SPRY3: variants seen among roughly 807,000 people sequenced by gnomAD.
SPRY3 encodes the protein protein sprouty homolog 3.
Under a neutral mutation model 20.2 loss-of-function variants are expected in SPRY3, and 15 were observed. The observed-to-expected ratio is 0.74, with a 90% CI of 0.50 to 1.14. The LOEUF (loss-of-function observed/expected upper bound fraction) is 1.14, where lower values mean the gene tolerates loss of function less well. Among genes scored for constraint, SPRY3 ranks in the 50% most tolerant of loss-of-function variants. The pLI is 0.00. For missense variants in SPRY3, 364 were observed against 363.9 expected (o/e 1.00, Z 0.00); for synonymous variants, 143 against 136.5 (o/e 1.05, Z -0.33).
chrX:155,612,896 A>C (rs2067834846), intron 1 of SPRY3: 1 of 111,223 alleles, frequency 9.0e-6, no homozygotes, highest in South Asian at 3.9e-4. Flanking sequence ...TTTCACCCCC[A>C]AAACTGTCGG....
chrX:155,687,077 G>C (rs1425446607), intron 2 of SPRY3, among the ~76,000 whole-genome samples: 1 of 112,505 alleles, frequency 8.9e-6, no homozygotes, highest in African/African-American at 3.2e-5. Context: ...TTACTTTTTA[G>C]CATTCTCAAA....
chrX:155,660,006 T>G (rs1477531152), intron 2 of SPRY3, among the ~76,000 whole-genome samples: 1 of 112,050 alleles, frequency 8.9e-6, no homozygotes, highest in African/African-American at 3.2e-5. Flanking sequence ...CTTTGTATAA[T>G]TTTTTGGTTT....
intron 2 of SPRY3, among the ~76,000 whole-genome samples, chrX:155,675,726 A>C (rs1312713890): frequency 8.9e-6 from 1 of 111,775 alleles, no homozygotes; most frequent in Non-Finnish European, 1.9e-5. Flanking sequence ...ACTTAGTGTA[A>C]CATTGTGCCA....
chrX:155,667,741 A>T (rs1385509452), intron 2 of SPRY3, among the ~76,000 whole-genome samples: 1 of 111,282 alleles, frequency 9.0e-6, no homozygotes, highest in African/African-American at 3.3e-5. Flanking sequence ...TGTGTTCAGA[A>T]TATATAAAGA....
At chrX:155,731,511 A>G (rs1482719539) in intron 2 of SPRY3, among the ~76,000 whole-genome samples, 2 of 152,104 alleles carry the variant, frequency 1.3e-5, no homozygotes, top group Non-Finnish European at 2.9e-5. Flanking sequence ...TAAAATCTAA[A>G]TTGATTAAAG....
rs766525778 is a variant in SPRY3 at position 155,755,984 on chromosome X, G to A, written c.-281-11978G>A. ...AGAATAAAGTTCATGAAGGTAGGAT[G>A]GTTGGGGGAGACCTTGTAATACAGA... is the stretch of plus-strand genomic sequence containing the variant. On this transcript the variant is annotated intron_variant, in intron 2 of 3. Coordinates refer to ENST00000675360, the Ensembl canonical transcript of SPRY3. Among the ~76,000 whole-genome samples the A allele has an allele frequency of 2.6e-5, 4 of 152,192 alleles. No homozygotes were observed. The South Asian group carries it at 8.3e-4, about 32-fold the overall frequency.
chrX:155,722,350 A>G (rs1785765003), intron 2 of SPRY3, among the ~76,000 whole-genome samples: 1 of 152,100 alleles, frequency 6.6e-6, no homozygotes, highest in African/African-American at 2.4e-5. Context: ...GTGAAACCCC[A>G]TCTCTACTAA....
chrX:155,743,567 A>G (rs868075878), intron 2 of SPRY3, among the ~76,000 whole-genome samples: 2 of 152,122 alleles, frequency 1.3e-5, no homozygotes, highest in Non-Finnish European at 2.9e-5. Context: ...TAAAATATAC[A>G]TATAAAAATG....
At chrX:155,767,884 G>C (rs186816587) in intron 2 of SPRY3, 78 bp from the exon 2 acceptor site, 16 of 154,188 alleles carry the variant, frequency 1.0e-4, no homozygotes, top group African/African-American at 2.6e-4. Flanking sequence ...CTACAGGTTT[G>C]ACTCGCCCCC....
intron 2 of SPRY3, among the ~76,000 whole-genome samples, chrX:155,680,756 C>G: frequency 9.0e-6 from 1 of 111,608 alleles, no homozygotes; most frequent in Non-Finnish European, 1.9e-5. Flanking sequence ...TCTATTGGCA[C>G]CATTTTTTCC....
intron 1 of SPRY3, among the ~76,000 whole-genome samples, chrX:155,633,402 AAG>A (rs2067913372): frequency 1.9e-5 from 2 of 105,955 alleles, no homozygotes; most frequent in African/African-American, 6.9e-5. Flanking sequence ...AAAAAAAAAA[AAG>A]TTCATAGACC....
rs964232033 is a variant in SPRY3, at chrX:155,688,885, G to A, written c.-282+31860G>A. Among the ~76,000 whole-genome samples the A allele has an allele frequency of 2.3e-5, 2 of 85,823 alleles. 1 individual carries two copies. Among genetic ancestry groups the A allele is most frequent in the African/African-American group, 1.1e-4 (2 of 17,560 alleles). The allele number at this position is 85,823 out of a possible 115,157, so 74.5% of individuals were successfully genotyped here. On this transcript the variant is annotated intron_variant, in intron 2 of 3. Coordinates refer to ENST00000675360, the Ensembl canonical transcript of SPRY3. ...TCCTTCTCTGTGTCCATGTGTTCTC[G>A]TTGTTCAGCTACCACTTATAAGTGA...
intron 2 of SPRY3, among the ~76,000 whole-genome samples, chrX:155,726,530 T>A (rs2091098674): frequency 6.6e-6 from 1 of 152,206 alleles, no homozygotes; most frequent in African/African-American, 2.4e-5. Flanking sequence ...ATATTTAGGA[T>A]AGTCAGCTCT....
chrX:155,615,912 C>G (rs868918768), intron 1 of SPRY3, among the ~76,000 whole-genome samples: 2 of 110,687 alleles, frequency 1.8e-5, no homozygotes, highest in Middle Eastern at 4.7e-3. Flanking sequence ...CTGAAACTAA[C>G]AAGCAAAAGA....
chrX:155,692,453 A>AC (rs1414536095), intron 2 of SPRY3, among the ~76,000 whole-genome samples: 5 of 111,590 alleles, frequency 4.5e-5, no homozygotes, highest in Non-Finnish European at 9.4e-5. Context: ...AATAAGGCTA[A>AC]CTTAAGCCCT....
At chrX:155,665,982 G>T (rs1468506977) in intron 2 of SPRY3, among the ~76,000 whole-genome samples, 2 of 111,637 alleles carry the variant, frequency 1.8e-5, no homozygotes, top group African/African-American at 6.5e-5. Flanking sequence ...TGATTATATG[G>T]TGGTGTGAAT....
intron 2 of SPRY3, among the ~76,000 whole-genome samples, chrX:155,675,441 G>A (rs904706008): frequency 9.0e-6 from 1 of 111,133 alleles, no homozygotes; most frequent in Non-Finnish European, 1.9e-5. Flanking sequence ...AGAGTGGCCA[G>A]CACATAGCTT....
intron 2 of SPRY3, among the ~76,000 whole-genome samples, chrX:155,672,334 C>T (rs2068043445): frequency 1.8e-5 from 2 of 109,508 alleles, no homozygotes; most frequent in African/African-American, 6.6e-5. Flanking sequence ...GGGCTAATAT[C>T]CAGAATCTAC....
intron 2 of SPRY3, among the ~76,000 whole-genome samples, chrX:155,764,252 A>T (rs1229511387): frequency 6.6e-6 from 1 of 152,194 alleles, no homozygotes; most frequent in Non-Finnish European, 1.5e-5. Context: ...GGACAACTCA[A>T]TGAATCTGTC....
Sources: gnomAD v4.1 joint callset for allele counts (sites outside exome capture counted in the v4.1 genomes callset) on GRCh38, gnomAD v4.1.1 for gene constraint, MANE v1.5 for transcripts, NCBI Gene and HGNC (gene_info 2026-07-23, HGNC 2026-07-21) for gene names.